Variants in MARCO observed in about 807,000 individuals in gnomAD.
The protein encoded by MARCO is macrophage receptor MARCO.
A neutral mutation model predicts 70.0 loss-of-function variants in MARCO; 72 were observed. That is an observed-to-expected ratio of 1.03 (90% confidence interval 0.85 to 1.25). The LOEUF is 1.25. MARCO is among the 50% of genes most tolerant of loss of function. MARCO has a pLI of 0.00. For synonymous variants in MARCO, 273 were observed against 243.1 expected, an observed-to-expected ratio of 1.12 and a Z score of -1.14; for missense variants, 696 against 659.3, an observed-to-expected ratio of 1.06 and a Z score of -0.61.
chr2:118,977,569 G>C, intron 7 of MARCO, 54 bp downstream of exon 7: 1 of 1,536,906 alleles, frequency 6.5e-7, no homozygotes, highest in Non-Finnish European at 9.0e-7. Flanking sequence ...GAGGCACTGA[G>C]GCAGTTCCCC....
intron 4 of MARCO, among the ~76,000 whole-genome samples, chr2:118,973,268 A>G (rs1680210009): frequency 6.6e-6 from 1 of 150,946 alleles, no homozygotes; most frequent in Non-Finnish European, 1.5e-5. Flanking sequence ...AAAAACTCCA[A>G]CTATCTCTCT....
At chr2:118,949,045 C>T (rs1679664338) in intron 1 of MARCO, among the ~76,000 whole-genome samples, 1 of 152,184 alleles carries the variant, frequency 6.6e-6, no homozygotes, top group African/African-American at 2.4e-5. Context: ...CCAGATTTTT[C>T]CCCTTGTCAT....
intron 1 of MARCO, 26 bp from the exon 2 acceptor site, chr2:118,969,134 C>G (rs1329545225): frequency 2.0e-6 from 3 of 1,533,458 alleles, no homozygotes; most frequent in African/African-American, 2.7e-5. Flanking sequence ...CTGCAGCAGC[C>G]TCCTTCCTCC....
intron 1 of MARCO, among the ~76,000 whole-genome samples, chr2:118,967,257 C>T (rs1208339424): frequency 2.0e-5 from 3 of 152,122 alleles, no homozygotes; most frequent in Non-Finnish European, 4.4e-5. Context: ...GAAGGATGAG[C>T]AGAAATTAGT....
In MARCO at chr2:118,942,290, A is replaced by T; in HGVS notation, c.-11A>T. ...TGGCTCCAGGACTTTGGCCATCTATAAAGCTTGGCAATGAGAAATAAGAAA... is the reference window on the plus strand; with the variant it reads ...TGGCTCCAGGACTTTGGCCATCTATTAAGCTTGGCAATGAGAAATAAGAAA... On this transcript the variant is annotated 5_prime_UTR_variant, in exon 1 of 17. The change creates a premature stop within an existing upstream ORF in the 5' untranslated region. Transcript: ENST00000327097. 1.3e-6 allele frequency: 2 copies of T among 1,594,878 alleles called. No homozygotes were observed. Among genetic ancestry groups the T allele is most frequent in the Non-Finnish European group, 1.7e-6 (2 of 1,162,822 alleles).
chr2:118,970,737 G>T (rs541315501), intron 3 of MARCO, among the ~76,000 whole-genome samples: 4 of 151,806 alleles, frequency 2.6e-5, no homozygotes, highest in South Asian at 2.1e-4. Context: ...TGAGCCAAGG[G>T]TTAAAACCCC....
At chr2:118,990,555 C>G (rs760594816) in intron 12 of MARCO, 34 bp from the exon 13 acceptor site, 2 of 1,569,268 alleles carry the variant, frequency 1.3e-6, no homozygotes, top group Non-Finnish European at 1.7e-6. Flanking sequence ...GTTTTATTAT[C>G]TCCTCCCCCC....
chr2:118,991,234 T>C (rs1350058783), intron 13 of MARCO, among the ~76,000 whole-genome samples: 13 of 150,336 alleles, frequency 8.6e-5, no homozygotes, highest in Non-Finnish European at 1.9e-4. Flanking sequence ...ATAAGCTAGA[T>C]ATTCTATTAT....
At chr2:118,994,233 A>C (rs1680679000) in intron 16 of MARCO, among the ~76,000 whole-genome samples, 154 bp from the exon 17 acceptor site, 1 of 152,186 alleles carries the variant, frequency 6.6e-6, no homozygotes, top group Non-Finnish European at 1.5e-5. Context: ...AAACAGGCTA[A>C]GCCAGCCATC....
At chr2:118,986,658 AAGGAAGGAAG>A (rs1558671659) in intron 12 of MARCO, among the ~76,000 whole-genome samples, 1,308 of 59,174 alleles carry the variant, frequency 0.022, 23 homozygotes, top group East Asian at 0.072. Flanking sequence ...AGAAAGAAGG[AAGGAAGGAAG>A]GAAGGAAAGA....
At chr2:118,981,572 G>GTTTT in intron 9 of MARCO, 49 bp from the exon 10 acceptor site, 1 of 1,571,438 alleles carries the variant, frequency 6.4e-7, no homozygotes, top group Admixed American at 1.9e-5. Flanking sequence ...TTTTCTGGCT[G>GTTTT]GCTGAGCCAA....
intron 1 of MARCO, among the ~76,000 whole-genome samples, chr2:118,952,258 C>T (rs1362155053): frequency 6.6e-6 from 1 of 152,114 alleles, no homozygotes. Flanking sequence ...GGGTGTCTTG[C>T]CTTGCCTGCC....
Position 118,971,543 on chromosome 2 carries a change from A to C in MARCO, c.460+9A>C, listed in dbSNP as rs754153245. 79 of 1,613,548 alleles carry C rather than the reference A, an allele frequency of 4.9e-5. 1 individual carries two copies. In the South Asian group the frequency reaches 8.5e-4, roughly 17 times the overall value. ...TGAACAAGGCGCCCCAGGTAGGTTCATTTCCACTCACACCCACCCTGCTCT... is the reference window on the plus strand; with the variant it reads ...TGAACAAGGCGCCCCAGGTAGGTTCCTTTCCACTCACACCCACCCTGCTCT... On this transcript the variant is annotated intron_variant, in intron 4 of 16. Coordinates refer to ENST00000327097, the MANE Select transcript of MARCO (RefSeq NM_006770.4).
At chr2:118,975,867 T>C (rs746233360) in intron 6 of MARCO, among the ~76,000 whole-genome samples, 17 of 152,266 alleles carry the variant, frequency 1.1e-4, no homozygotes, top group South Asian at 6.2e-4. Context: ...CAATCACACT[T>C]GTGCACATAT....
chr2:118,977,465 T>C lies in MARCO; in HGVS notation c.614-6T>C, dbSNP rs1160836235. The C allele has an allele frequency of 1.9e-6, 3 of 1,613,484 alleles. No individual in the cohort carries two copies. The highest frequency in any genetic ancestry group is 4.5e-5 in the East Asian group (2 of 44,870). On this transcript the variant is annotated splice_polypyrimidine_tract_variant and splice_region_variant and intron_variant, in intron 6 of 16. Transcript: ENST00000327097. Reference sequence around the variant, plus strand: ...AGCAACTGAGCTCTTTTTTCCTTCCTCACAGGCCTCCAAGGACCCCAGGGT... The same window carrying C: ...AGCAACTGAGCTCTTTTTTCCTTCCCCACAGGCCTCCAAGGACCCCAGGGT...
intron 1 of MARCO, among the ~76,000 whole-genome samples, chr2:118,954,901 CA>C (rs1198650386): frequency 6.6e-6 from 1 of 152,108 alleles, no homozygotes; most frequent in African/African-American, 2.4e-5. Flanking sequence ...CCCCGTGGGA[CA>C]AAAAAATCTG....
Position 118,993,318 on chromosome 2 carries a change from C to A in MARCO, c.1429+18C>A, listed in dbSNP as rs752880003. 16 of 1,612,690 alleles carry A rather than the reference C, an allele frequency of 9.9e-6. No individual in the cohort carries two copies. The highest frequency in any genetic ancestry group is 1.3e-5 in the African/African-American group (1 of 74,886). On this transcript the variant is annotated intron_variant, in intron 16 of 16. Transcript: ENST00000327097. ...GGGAGCTGGTAAGTGAGTCATCAGC[C>A]GGGGGCCTCTTCCCCAGAGGTGTGG...
intron 1 of MARCO, among the ~76,000 whole-genome samples, chr2:118,957,167 A>C (rs1679852389): frequency 6.6e-6 from 1 of 151,970 alleles, no homozygotes; most frequent in Non-Finnish European, 1.5e-5. Flanking sequence ...AAATTGAAAC[A>C]AAAAAATACA....
chr2:118,957,340 C>G (rs2104559113), intron 1 of MARCO, among the ~76,000 whole-genome samples: 1 of 152,048 alleles, frequency 6.6e-6, no homozygotes, highest in Non-Finnish European at 1.5e-5. Flanking sequence ...AAAGATCATT[C>G]AAGGCTACTA....
Sources: gnomAD v4.1 joint callset for allele counts (sites outside exome capture counted in the v4.1 genomes callset) on GRCh38, gnomAD v4.1.1 for gene constraint, MANE v1.5 for transcripts, NCBI Gene and HGNC (gene_info 2026-07-23, HGNC 2026-07-21) for gene names.